The following PLEKHA5 variants were observed in gnomAD, a reference collection of about 807,000 sequenced individuals.
PLEKHA5 encodes pleckstrin homology domain containing A5.
PLEKHA5 carries 55 observed loss-of-function variants against 181.9 expected under a neutral mutation model. The observed-to-expected ratio is 0.30, with a 90% CI of 0.24 to 0.38. The LOEUF is 0.38. Ranked by LOEUF, PLEKHA5 falls within the 10% of genes least tolerant of loss-of-function variation. The probability of loss-of-function intolerance (pLI) is 1.00; values close to 1 mark genes in which losing one functional copy is unlikely to be tolerated. For synonymous variants in PLEKHA5, 535 were observed against 529.4 expected, an observed-to-expected ratio of 1.01 and a Z score of -0.15; for missense variants, 1,432 against 1,549.5, an observed-to-expected ratio of 0.92 and a Z score of 1.27.
intron 3 of PLEKHA5, among the ~76,000 whole-genome samples, chr12:19,221,974 T>C (rs887080353): frequency 1.3e-5 from 2 of 152,038 alleles, no homozygotes; most frequent in African/African-American, 4.8e-5. Flanking sequence ...TTTAAAAATA[T>C]TGCCAGGCAT....
intron 12 of PLEKHA5, among the ~76,000 whole-genome samples, chr12:19,285,163 G>T (rs965645050): frequency 3.3e-5 from 5 of 152,182 alleles, no homozygotes; most frequent in African/African-American, 9.7e-5. Flanking sequence ...ACAAAGTTCA[G>T]TGTTTCCTCA....
chr12:19,130,607 C>T lies in PLEKHA5; in HGVS notation c.169+477C>T, dbSNP rs2033384214. ...CCGGGATAACGTAACCACATCCTCC[C>T]CCTCCTCCCAGGAGCGCTGCCTCCT... is the stretch of plus-strand genomic sequence containing the variant. On this transcript the variant is annotated intron_variant, in intron 2 of 31. Coordinates refer to ENST00000429027, the MANE Select transcript of PLEKHA5 (RefSeq NM_001256470.2). This position sits in a 1 kb window ranked among gnomAD's most constrained non-coding sequence, Gnocchi z 4.5. 1.3e-5 allele frequency: 2 copies of T among 152,830 alleles called. 1 individual carries two copies. Among genetic ancestry groups the T allele is most frequent in the Non-Finnish European group, 2.9e-5 (2 of 68,442 alleles). 9.5% of individuals were successfully genotyped at this position (152,830 alleles called of 1,614,324 possible). A position where few individuals can be genotyped will look rare whatever the true frequency, so the allele number is the denominator to read the frequency against.
intron 20 of PLEKHA5, among the ~76,000 whole-genome samples, chr12:19,328,371 G>A (rs912990061): frequency 7.9e-5 from 12 of 152,134 alleles, no homozygotes; most frequent in Non-Finnish European, 1.5e-4. Context: ...ATGGTAGTTT[G>A]ATAGAAATGA....
intron 3 of PLEKHA5, among the ~76,000 whole-genome samples, chr12:19,146,480 C>T (rs1469206205): frequency 1.3e-5 from 2 of 152,060 alleles, no homozygotes; most frequent in African/African-American, 2.4e-5. Context: ...TTGTGCACCC[C>T]TACAAATAAA....
At position 19,320,562 on chromosome 12, in the gene PLEKHA5, C is replaced by T. The variant is rs760005524; in HGVS notation, c.2155C>T (p.Leu719=). Residue 719 remains leucine (L), a splice_region_variant and synonymous_variant, in exon 18 of 32, where the codon CTG becomes TTG. Coordinates refer to ENST00000429027, the MANE Select transcript of PLEKHA5 (RefSeq NM_001256470.2). The part of the protein sequence containing the change: ...RQKSKISLYC[L]SQDEGRGTLY... Reference sequence around the variant, plus strand: ...TTGCTATATGATTTTTTTCTTATAGCTGTCACAAGATGAAGGTAGAGGCAC... The same window carrying T: ...TTGCTATATGATTTTTTTCTTATAGTTGTCACAAGATGAAGGTAGAGGCAC... 16 of 1,461,084 alleles carry T rather than the reference C, an allele frequency of 1.1e-5. No individual in the cohort carries two copies. In the South Asian group the frequency reaches 1.6e-4, roughly 15 times the overall value. The allele number at this position is 1,461,084 out of a possible 1,614,324, so 90.5% of individuals were successfully genotyped here.
intron 8 of PLEKHA5, among the ~76,000 whole-genome samples, chr12:19,268,377 A>G (rs527267703): frequency 6.6e-6 from 1 of 152,328 alleles, no homozygotes; most frequent in Admixed American, 6.5e-5. Flanking sequence ...AAAAAATACT[A>G]CAATGTTAAA....
In PLEKHA5 at chr12:19,253,295, G is replaced by A. The variant is rs554509565; in HGVS notation, c.228-645G>A. Reference sequence around the variant, plus strand: ...TCACCATGTTGGTCAGGCTGGTCTTGAACGCCTGACCTCAAGTGATCCACC... The same window carrying A: ...TCACCATGTTGGTCAGGCTGGTCTTAAACGCCTGACCTCAAGTGATCCACC... On this transcript the variant is annotated intron_variant, in intron 3 of 31. Transcript: ENST00000429027. Among the ~76,000 whole-genome samples, 9 of 150,722 alleles carry A rather than the reference G, an allele frequency of 6.0e-5. No homozygotes were observed. In the East Asian group the frequency reaches 1.8e-3, roughly 30 times the overall value.
chr12:19,352,688 T>A (rs2094668310), intron 25 of PLEKHA5, among the ~76,000 whole-genome samples: 1 of 151,562 alleles, frequency 6.6e-6, no homozygotes, highest in African/African-American at 2.4e-5. Context: ...GTGCTAGGAT[T>A]ATAGGCAATG....
At chr12:19,350,273 T>C (rs2094529606) in intron 25 of PLEKHA5, among the ~76,000 whole-genome samples, 1 of 152,244 alleles carries the variant, frequency 6.6e-6, no homozygotes. Context: ...TAGTAGAATG[T>C]AGTATGTGAA....
At chr12:19,238,279 A>C (rs2061749814) in intron 3 of PLEKHA5, among the ~76,000 whole-genome samples, 1 of 152,060 alleles carries the variant, frequency 6.6e-6, no homozygotes, top group Admixed American at 6.5e-5. Flanking sequence ...TTTTTTGTGA[A>C]TAATATAGTT....
At chr12:19,300,856 C>T (rs973461783) in intron 15 of PLEKHA5, among the ~76,000 whole-genome samples, 1 of 151,530 alleles carries the variant, frequency 6.6e-6, no homozygotes, top group Non-Finnish European at 1.5e-5. Context: ...AAAATTTGGA[C>T]GGGTGCGGTG....
At chr12:19,162,137 T>C (rs901651900) in intron 3 of PLEKHA5, among the ~76,000 whole-genome samples, 39 of 152,264 alleles carry the variant, frequency 2.6e-4, no homozygotes, top group African/African-American at 9.1e-4. Flanking sequence ...CCCAACTTAG[T>C]GGGTTTTCTG....
At chr12:19,145,045 C>T (rs2038529646) in intron 3 of PLEKHA5, among the ~76,000 whole-genome samples, 1 of 152,116 alleles carries the variant, frequency 6.6e-6, no homozygotes. Flanking sequence ...TGCTGTTTCC[C>T]ACTGATAAAT....
intron 3 of PLEKHA5, among the ~76,000 whole-genome samples, chr12:19,248,313 G>A (rs756846909): frequency 3.9e-5 from 6 of 152,114 alleles, no homozygotes; most frequent in Non-Finnish European, 7.3e-5. Context: ...TTCTCATGCC[G>A]CAGCCACCAG....
chr12:19,362,846 T>C (rs572989121), intron 29 of PLEKHA5, among the ~76,000 whole-genome samples: 3 of 152,206 alleles, frequency 2.0e-5, no homozygotes, highest in African/African-American at 7.2e-5. Flanking sequence ...AATTCATCAC[T>C]GCCTATGCAG....
intron 3 of PLEKHA5, among the ~76,000 whole-genome samples, chr12:19,215,979 A>G (rs189338577): frequency 1.7e-4 from 26 of 152,334 alleles, no homozygotes; most frequent in Middle Eastern, 3.4e-3. Flanking sequence ...TAAAATATAG[A>G]TAAGTTTAGA....
intron 3 of PLEKHA5, among the ~76,000 whole-genome samples, chr12:19,180,325 C>G (rs1307914673): frequency 6.6e-6 from 1 of 152,114 alleles, no homozygotes; most frequent in Non-Finnish European, 1.5e-5. Context: ...TATTTTCATT[C>G]TCAAGACTGT....
chr12:19,196,233 G>A (rs980929557), intron 3 of PLEKHA5, among the ~76,000 whole-genome samples: 1 of 152,046 alleles, frequency 6.6e-6, no homozygotes, highest in Admixed American at 6.6e-5. Flanking sequence ...TACTGATTAA[G>A]CATTTTTTAA....
chr12:19,343,739 C>T (rs1410619182), intron 22 of PLEKHA5, among the ~76,000 whole-genome samples: 1 of 152,104 alleles, frequency 6.6e-6, no homozygotes, highest in Non-Finnish European at 1.5e-5. Context: ...GACATGAGGG[C>T]AACAACTAGG....
Sources: allele counts gnomAD v4.1 joint callset (sites outside exome capture counted in the v4.1 genomes callset), GRCh38; gene constraint gnomAD v4.1.1; non-coding constraint Gnocchi (gnomAD v3.1); transcripts MANE v1.5; gene names NCBI Gene and HGNC (gene_info 2026-07-23, HGNC 2026-07-21).